Variants in EFHC2 observed in about 807,000 individuals in gnomAD.
EFHC2 encodes the protein EF-hand domain-containing family member C2.
In EFHC2, 18 loss-of-function variants were observed where a neutral mutation model predicts 52.7. The observed-to-expected ratio is 0.34, with a 90% CI of 0.24 to 0.51. The LOEUF (loss-of-function observed/expected upper bound fraction) is 0.51. Ranked by LOEUF, EFHC2 falls within the 20% of genes least tolerant of loss-of-function variation. EFHC2 has a pLI of 0.97. For missense variants in EFHC2, 513 were observed against 562.5 expected (o/e 0.91, Z 0.89); for synonymous variants, 203 against 204.1 (o/e 0.99, Z 0.04).
intron 11 of EFHC2, among the ~76,000 whole-genome samples, chrX:44,195,141 C>T (rs760887742): frequency 8.9e-6 from 1 of 112,298 alleles, no homozygotes; most frequent in African/African-American, 3.2e-5. Context: ...TGCTCTTTGA[C>T]AATGGGGTCA....
intron 2 of EFHC2, among the ~76,000 whole-genome samples, chrX:44,283,675 C>CTTT (rs35434534): frequency 4.7e-5 from 2 of 42,585 alleles, no homozygotes; most frequent in African/African-American, 2.0e-4. Flanking sequence ...ACGGAAGTAC[C>CTTT]TTTTTTTTTT....
chrX:44,265,117 G>A (rs2037567092), intron 3 of EFHC2, among the ~76,000 whole-genome samples: 1 of 111,569 alleles, frequency 9.0e-6, no homozygotes, highest in South Asian at 3.7e-4. Context: ...CTGTGGTTTA[G>A]ATCAAAGTGA....
intron 1 of EFHC2, among the ~76,000 whole-genome samples, chrX:44,340,875 G>A (rs1174599143): frequency 8.9e-6 from 1 of 112,129 alleles, no homozygotes; most frequent in Non-Finnish European, 1.9e-5. Context: ...AATTTAAGTA[G>A]TATAATCACT....
intron 13 of EFHC2, among the ~76,000 whole-genome samples, chrX:44,173,823 A>C (rs779497467): frequency 8.9e-6 from 1 of 112,160 alleles, no homozygotes; most frequent in South Asian, 3.8e-4. Flanking sequence ...TGCTGAGAGA[A>C]TGAGAGGATG....
chrX:44,184,990 G>A (rs773523628), intron 11 of EFHC2, among the ~76,000 whole-genome samples: 10 of 111,633 alleles, frequency 9.0e-5, no homozygotes, highest in Admixed American at 3.8e-4. Context: ...ATAACAAGTA[G>A]TCTGATGAAT....
In EFHC2 at chrX:44,186,785, T is replaced by C. The variant is rs1483193345; in HGVS notation, c.1752-8221A>G. ...TCATATCAAATAATTATCAGTAATA[T>C]AATCAGATTCTTAAATCTTTTTGAA... On this transcript the variant is annotated intron_variant, in intron 11 of 14. Transcript: ENST00000420999. Among the ~76,000 whole-genome samples, 8 of 111,450 alleles carry C rather than the reference T, an allele frequency of 7.2e-5. No individual in the cohort carries two copies. The East Asian group carries it at 1.7e-3, about 24-fold the overall frequency.
At chrX:44,318,547 A>G (rs1429540783) in intron 1 of EFHC2, among the ~76,000 whole-genome samples, 1 of 112,030 alleles carries the variant, frequency 8.9e-6, no homozygotes, top group Non-Finnish European at 1.9e-5. Flanking sequence ...ATATTTTACC[A>G]CAATAAAAAA....
intron 1 of EFHC2, among the ~76,000 whole-genome samples, chrX:44,323,155 A>G (rs1182647694): frequency 8.9e-6 from 1 of 112,531 alleles, no homozygotes; most frequent in Non-Finnish European, 1.9e-5. Context: ...ACATACATAA[A>G]TTATGTGATC....
At chrX:44,210,006 A>G (rs1286049509) in intron 11 of EFHC2, among the ~76,000 whole-genome samples, 1 of 109,924 alleles carries the variant, frequency 9.1e-6, no homozygotes, top group African/African-American at 3.3e-5. Context: ...CTGATTCTAC[A>G]TTAATTATTA....
intron 2 of EFHC2, among the ~76,000 whole-genome samples, chrX:44,303,132 G>T (rs1275342456): frequency 1.8e-5 from 2 of 111,127 alleles, no homozygotes; most frequent in Non-Finnish European, 3.8e-5. Context: ...AGCTGGTCTT[G>T]GTGCTGTTAC....
intron 11 of EFHC2, among the ~76,000 whole-genome samples, chrX:44,188,396 C>CT (rs2036894273): frequency 8.9e-6 from 1 of 111,833 alleles, no homozygotes; most frequent in East Asian, 2.8e-4. Flanking sequence ...AGAAATATTT[C>CT]TTCTATTGTG....
At chrX:44,313,903 C>T (rs768878450) in intron 1 of EFHC2, among the ~76,000 whole-genome samples, 1 of 110,859 alleles carries the variant, frequency 9.0e-6, no homozygotes, top group Non-Finnish European at 1.9e-5. Flanking sequence ...TGCAGTGAGC[C>T]GAAATCATGC....
intron 10 of EFHC2, among the ~76,000 whole-genome samples, chrX:44,230,270 A>G (rs2037265955): frequency 8.9e-6 from 1 of 111,857 alleles, no homozygotes. Context: ...ACCCTCGCAC[A>G]GTCATTCTCT....
chrX:44,312,577 A>G lies in EFHC2; in HGVS notation c.222T>C (p.Phe74=). The part of the protein sequence containing the change: ...DGSDVPSWVA[F]DKQVLSFDAY... ...GTGTCATGTGACTTACCTGTTTATC[A>G]AAGGCTACCCATGATGGTACATCAC... The change falls in exon 2 of 15, where the codon TTT becomes TTC. Residue 74 remains phenylalanine, a synonymous_variant. Coordinates refer to ENST00000420999, the MANE Select transcript of EFHC2 (RefSeq NM_025184.4). The G allele has an allele frequency of 1.7e-6, 2 of 1,197,512 alleles. No individual in the cohort carries two copies. Among genetic ancestry groups the G allele is most frequent in the Non-Finnish European group, 2.2e-6 (2 of 888,990 alleles).
At chrX:44,209,479 TG>T (rs1425416425) in intron 11 of EFHC2, among the ~76,000 whole-genome samples, 1 of 111,241 alleles carries the variant, frequency 9.0e-6, no homozygotes, top group Non-Finnish European at 1.9e-5. Context: ...TTAGCAATGT[TG>T]CAGAATATAA....
chrX:44,269,166 T>G (rs1392130784), intron 3 of EFHC2, among the ~76,000 whole-genome samples: 4 of 111,138 alleles, frequency 3.6e-5, no homozygotes, highest in African/African-American at 1.3e-4. Context: ...GCACCTCTGA[T>G]TCCCAATCTC....
At position 44,222,306 on chromosome X, in the gene EFHC2, C is replaced by A. The variant is rs191641028; in HGVS notation, c.1751+7343G>T. ...GAGAACAGGCTCTATCTAAGGAGGG[C>A]AAGTGCCATTCACCCCCAAAAGATT... On this transcript the variant is annotated intron_variant, in intron 11 of 14. Coordinates refer to ENST00000420999, the MANE Select transcript of EFHC2 (RefSeq NM_025184.4). Among the ~76,000 whole-genome samples, 330 of 111,424 alleles carry A rather than the reference C, an allele frequency of 3.0e-3. 3 individuals carry two copies. The highest frequency in any genetic ancestry group is 0.028 in the Middle Eastern group (6 of 216).
chrX:44,181,883 T>C, intron 11 of EFHC2, among the ~76,000 whole-genome samples: 1 of 112,936 alleles, frequency 8.9e-6, no homozygotes, highest in Non-Finnish European at 1.9e-5. Flanking sequence ...TGTTAAACTT[T>C]AGTAGGATTC....
intron 5 of EFHC2, among the ~76,000 whole-genome samples, chrX:44,249,195 T>C (rs774434490): frequency 1.8e-5 from 2 of 111,479 alleles, no homozygotes; most frequent in African/African-American, 6.5e-5. Context: ...ATTGTGCCTC[T>C]CCTGCCTCCA....
Sources: gnomAD v4.1 joint callset for allele counts (sites outside exome capture counted in the v4.1 genomes callset) on GRCh38, gnomAD v4.1.1 for gene constraint, MANE v1.5 for transcripts, NCBI Gene and HGNC (gene_info 2026-07-23, HGNC 2026-07-21) for gene names.